Variants in COL25A1 observed in about 807,000 individuals in gnomAD.
The protein encoded by COL25A1 is collagen alpha-1(XXV) chain.
COL25A1 carries 103 observed loss-of-function variants against 128.4 expected under a neutral mutation model. The observed-to-expected ratio is 0.80, with a 90% CI of 0.68 to 0.94. The LOEUF is 0.94. Ranked by LOEUF, COL25A1 falls within the 40% of genes least tolerant of loss-of-function variation. COL25A1 has a pLI of 0.00. For missense variants in COL25A1, 745 were observed against 840.0 expected (o/e 0.89, Z 1.40); for synonymous variants, 279 against 277.2 (o/e 1.01, Z -0.06).
intron 12 of COL25A1, 29 bp from the exon 13 acceptor site, chr4:108,918,245 G>A: frequency 1.3e-6 from 2 of 1,494,786 alleles, no homozygotes; most frequent in Non-Finnish European, 1.8e-6. Flanking sequence ...AAATTCAGTT[G>A]ATATCATACA....
At chr4:109,282,604 T>C (rs1200788541) in intron 3 of COL25A1, among the ~76,000 whole-genome samples, 1 of 152,212 alleles carries the variant, frequency 6.6e-6, no homozygotes, top group African/African-American at 2.4e-5. Flanking sequence ...TTCAATATCA[T>C]TTGCTAATCA....
intron 6 of COL25A1, among the ~76,000 whole-genome samples, chr4:109,001,425 T>TCAGGTAGGCATCG (rs1755406998): frequency 8.3e-5 from 1 of 11,988 alleles, no homozygotes; most frequent in Non-Finnish European, 3.7e-4. Flanking sequence ...AGGTAGGCAG[T>TCAGGTAGGCATCG]GAGCTAGAGG....
At chr4:109,192,110 G>A (rs1415088095) in intron 3 of COL25A1, among the ~76,000 whole-genome samples, 1 of 152,188 alleles carries the variant, frequency 6.6e-6, no homozygotes, top group Non-Finnish European at 1.5e-5. Context: ...AATCTGCTTG[G>A]GACACAGCAG....
chr4:108,887,500 T>C (rs745427009), intron 18 of COL25A1, among the ~76,000 whole-genome samples: 4 of 152,154 alleles, frequency 2.6e-5, no homozygotes, highest in Non-Finnish European at 4.4e-5. Context: ...TGGGATTGTA[T>C]CAAAGGGTAG....
At chr4:108,842,583 A>G (rs1424022839) in intron 30 of COL25A1, among the ~76,000 whole-genome samples, 1 of 152,180 alleles carries the variant, frequency 6.6e-6, no homozygotes, top group Non-Finnish European at 1.5e-5. Context: ...CAATGCCTAT[A>G]TATTTGTTAC....
At chr4:109,162,563 G>T (rs996089683) in intron 3 of COL25A1, among the ~76,000 whole-genome samples, 2 of 152,136 alleles carry the variant, frequency 1.3e-5, no homozygotes, top group African/African-American at 4.8e-5. Context: ...TAACTACAAT[G>T]CAAGTTCCAT....
chr4:109,245,188 C>G (rs1417305898), intron 3 of COL25A1, among the ~76,000 whole-genome samples: 1 of 151,972 alleles, frequency 6.6e-6, no homozygotes, highest in Non-Finnish European at 1.5e-5. Flanking sequence ...AAGCAAAAAA[C>G]CCCAGAACTT....
chr4:109,061,861 T>C (rs1006381416), intron 3 of COL25A1, among the ~76,000 whole-genome samples: 1 of 152,200 alleles, frequency 6.6e-6, no homozygotes. Context: ...GATTTCATAA[T>C]AATTCTAGCA....
chr4:109,068,338 G>A (rs1762632224), intron 3 of COL25A1, among the ~76,000 whole-genome samples: 1 of 151,976 alleles, frequency 6.6e-6, no homozygotes, highest in Non-Finnish European at 1.5e-5. Context: ...CTAAGGACCT[G>A]GTGCACATGC....
intron 8 of COL25A1, among the ~76,000 whole-genome samples, chr4:108,954,093 G>A (rs80318092): frequency 0.043 from 6,611 of 152,088 alleles, 360 homozygotes; most frequent in African/African-American, 0.13. Flanking sequence ...CGAAAAGGAC[G>A]TAGCTACTTC....
At chr4:108,931,264 G>T (rs940142990) in intron 11 of COL25A1, among the ~76,000 whole-genome samples, 3 of 152,174 alleles carry the variant, frequency 2.0e-5, no homozygotes, top group Non-Finnish European at 2.9e-5. Flanking sequence ...CGGGACTTTA[G>T]AGTTGGAAGG....
At chr4:109,286,787 G>C (rs1354151642) in intron 3 of COL25A1, among the ~76,000 whole-genome samples, 1 of 152,148 alleles carries the variant, frequency 6.6e-6, no homozygotes, top group East Asian at 1.9e-4. Context: ...CACTGTTACT[G>C]AAGGCCACCT....
chr4:109,180,240 A>G (rs1271798179), intron 3 of COL25A1, among the ~76,000 whole-genome samples: 5 of 152,180 alleles, frequency 3.3e-5, no homozygotes, highest in Non-Finnish European at 1.5e-5. Flanking sequence ...ACCTTTGGCA[A>G]CACTGCCAAA....
At chr4:108,898,774 G>A (rs912114263) in intron 15 of COL25A1, among the ~76,000 whole-genome samples, 13 of 152,088 alleles carry the variant, frequency 8.5e-5, no homozygotes, top group Non-Finnish European at 1.5e-4. Context: ...TTTGAAACCC[G>A]TTTAAAAGCT....
chr4:108,857,795 T>C lies in COL25A1; in HGVS notation c.1320+1861A>G, dbSNP rs76848675. On this transcript the variant is annotated intron_variant, in intron 24 of 37. Coordinates refer to ENST00000399132, the MANE Select transcript of COL25A1 (RefSeq NM_198721.4). ...GAATGAAGTATACTTATTCAACCAA[T>C]AACCATTTACTTAATATTTACATAT... is the stretch of plus-strand genomic sequence containing the variant. 4.2e-3 allele frequency among the ~76,000 whole-genome samples: 641 copies of C among 152,276 alleles called. 6 individuals carry two copies. Among genetic ancestry groups the C allele is most frequent in the African/African-American group, 0.015 (615 of 41,574 alleles).
chr4:109,261,279 T>C (rs79533962), intron 3 of COL25A1, among the ~76,000 whole-genome samples: 12,104 of 152,110 alleles, frequency 0.08, 1,214 homozygotes, highest in African/African-American at 0.23. Context: ...TCCCAGCACT[T>C]TGGCAGGCAA....
chr4:109,071,174 C>A (rs959357070), intron 3 of COL25A1, among the ~76,000 whole-genome samples: 2 of 151,978 alleles, frequency 1.3e-5, no homozygotes, highest in African/African-American at 2.4e-5. Context: ...TTTGACAAAC[C>A]TGACAAAAAC....
intron 3 of COL25A1, among the ~76,000 whole-genome samples, chr4:109,082,890 G>C (rs1281017008): frequency 1.3e-5 from 2 of 152,048 alleles, no homozygotes; most frequent in Non-Finnish European, 2.9e-5. Context: ...ATACCCAATA[G>C]TTAATAGAAA....
chr4:109,281,140 A>C (rs1286146157), intron 3 of COL25A1, among the ~76,000 whole-genome samples: 1 of 152,194 alleles, frequency 6.6e-6, no homozygotes, highest in African/African-American at 2.4e-5. Flanking sequence ...CAGTATGCAA[A>C]GGACTCTTCT....
Sources: allele counts gnomAD v4.1 joint callset (sites outside exome capture counted in the v4.1 genomes callset), GRCh38; gene constraint gnomAD v4.1.1; transcripts MANE v1.5; gene names NCBI Gene and HGNC (gene_info 2026-07-23, HGNC 2026-07-21).